CNTNAP2: variants seen among roughly 807,000 people sequenced by gnomAD.
CNTNAP2 encodes contactin associated protein 2, also known as contactin-associated protein-like 2.
In CNTNAP2, 98 loss-of-function variants were observed where a neutral mutation model predicts 155.2. That is an observed-to-expected ratio of 0.63 (90% CI 0.54 to 0.75). The LOEUF is 0.75. Ranked by LOEUF, CNTNAP2 falls within the 30% of genes least tolerant of loss-of-function variation. The pLI, the probability that CNTNAP2 is intolerant of heterozygous loss-of-function variation, is 0.00. For synonymous variants in CNTNAP2, 651 were observed against 631.2 expected (o/e 1.03, Z -0.47); for missense variants, 1,727 against 1,688.1 (o/e 1.02, Z -0.40).
chr7:148,123,357 G>T (rs1337354742), intron 16 of CNTNAP2, among the ~76,000 whole-genome samples: 2 of 152,148 alleles, frequency 1.3e-5, no homozygotes, highest in African/African-American at 4.8e-5. Context: ...GGAGGCTGAA[G>T]GGGGAGTATC....
At chr7:146,635,901 G>C (rs1210564293) in intron 1 of CNTNAP2, among the ~76,000 whole-genome samples, 1 of 152,078 alleles carries the variant, frequency 6.6e-6, no homozygotes, top group Non-Finnish European at 1.5e-5. Context: ...TCTCTAGCCA[G>C]GAGTCAATAA....
chr7:146,865,348 A>G (rs1365747093), intron 3 of CNTNAP2, among the ~76,000 whole-genome samples: 1 of 152,104 alleles, frequency 6.6e-6, no homozygotes, highest in Admixed American at 6.6e-5. Flanking sequence ...AAAAGGCCTA[A>G]AATAATCCAA....
chr7:146,930,169 T>C (rs1485870084), intron 3 of CNTNAP2, among the ~76,000 whole-genome samples: 3 of 151,912 alleles, frequency 2.0e-5, no homozygotes, highest in East Asian at 1.9e-4. Flanking sequence ...AAGGAAAAAA[T>C]GTTAAGGGCA....
intron 21 of CNTNAP2, among the ~76,000 whole-genome samples, chr7:148,365,756 A>G (rs558303313): frequency 2.1e-5 from 2 of 96,830 alleles, no homozygotes; most frequent in African/African-American, 8.7e-5. Context: ...GTATACATGT[A>G]TGTGTATACG....
chr7:146,975,288 A>T (rs184197214), intron 3 of CNTNAP2, among the ~76,000 whole-genome samples: 2 of 152,160 alleles, frequency 1.3e-5, no homozygotes, highest in Non-Finnish European at 2.9e-5. Flanking sequence ...AACATGGCAA[A>T]ACCCCGTCTC....
rs1476905483 is a variant in CNTNAP2, at chr7:146,907,453, C to T, written c.402+67549C>T. The stretch of plus-strand genomic sequence containing the variant: ...CCCATCAGACTAACAGCGGATCTCT[C>T]GGCAGAAACCCTACAAGCCAGAAGA... On this transcript the variant is annotated intron_variant, in intron 3 of 23. Coordinates refer to ENST00000361727, the MANE Select transcript of CNTNAP2 (RefSeq NM_014141.6). Among the ~76,000 whole-genome samples the T allele has an allele frequency of 3.1e-3, 447 of 142,706 alleles. 6 individuals carry two copies. Among genetic ancestry groups the T allele is most frequent in the South Asian group, 8.3e-3 (34 of 4,084 alleles). The allele number at this position is 142,706 out of a possible 152,430, so 93.6% of individuals were successfully genotyped here.
chr7:146,575,600 A>ACAGG (rs1178662292), intron 1 of CNTNAP2, among the ~76,000 whole-genome samples: 1 of 152,216 alleles, frequency 6.6e-6, no homozygotes, highest in Admixed American at 6.5e-5. Context: ...AGCAAGTGAA[A>ACAGG]CAGGAGTGGT....
intron 21 of CNTNAP2, among the ~76,000 whole-genome samples, chr7:148,302,296 T>A (rs1373401871): frequency 6.6e-6 from 1 of 152,172 alleles, no homozygotes; most frequent in Admixed American, 6.5e-5. Context: ...TTGCAAAAGT[T>A]TAGATGTACA....
intron 3 of CNTNAP2, among the ~76,000 whole-genome samples, chr7:146,930,110 G>A (rs1371607382): frequency 6.6e-6 from 1 of 152,022 alleles, no homozygotes; most frequent in Admixed American, 6.6e-5. Context: ...TACTCCTCGA[G>A]AAGAGCAACT....
intron 1 of CNTNAP2, among the ~76,000 whole-genome samples, chr7:146,463,329 C>A (rs1418164281): frequency 4.6e-5 from 7 of 151,932 alleles, no homozygotes; most frequent in African/African-American, 1.2e-4. Flanking sequence ...TTTTTGAATT[C>A]TTCTGTCTCT....
At chr7:148,033,500 G>A (rs1296658351) in intron 15 of CNTNAP2, among the ~76,000 whole-genome samples, 2 of 152,048 alleles carry the variant, frequency 1.3e-5, no homozygotes, top group Non-Finnish European at 2.9e-5. Context: ...AGGCCCTTGT[G>A]TGTGTTATTC....
In CNTNAP2 at chr7:146,148,699, A is replaced by C. The variant is rs531750235; in HGVS notation, c.97+31726A>C. Among the ~76,000 whole-genome samples the C allele has an allele frequency of 2.0e-5, 3 of 152,182 alleles. No individual in the cohort carries two copies. In the South Asian group the frequency reaches 6.2e-4, roughly 32 times the overall value. ...AATGATGAACGTGGATAATTATTAT[A>C]TTACAAAGGCTATAATCACAAAATA... is the stretch of plus-strand genomic sequence containing the variant. On this transcript the variant is annotated intron_variant, in intron 1 of 23. Transcript: ENST00000361727.
intron 12 of CNTNAP2, among the ~76,000 whole-genome samples, chr7:147,577,657 T>A (rs539344820): frequency 6.6e-6 from 1 of 152,072 alleles, no homozygotes; most frequent in South Asian, 2.1e-4. Context: ...TGCTTCAATA[T>A]CTGTTTCATA....
At chr7:147,219,942 A>ATTTTTTTTTTTTT (rs34947567) in intron 8 of CNTNAP2, among the ~76,000 whole-genome samples, 1 of 123,018 alleles carries the variant, frequency 8.1e-6, no homozygotes, top group Non-Finnish European at 1.7e-5. Context: ...CGCCCAGCTA[A>ATTTTTTTTTTTTT]TTTTTTTTTT....
intron 9 of CNTNAP2, among the ~76,000 whole-genome samples, chr7:147,305,096 C>G (rs551089832): frequency 6.6e-6 from 1 of 152,206 alleles, no homozygotes; most frequent in South Asian, 2.1e-4. Context: ...TAATACCACC[C>G]ACAGGGGCTC....
intron 1 of CNTNAP2, among the ~76,000 whole-genome samples, chr7:146,128,187 T>C (rs2116730794): frequency 6.6e-6 from 1 of 152,344 alleles, no homozygotes; most frequent in South Asian, 2.1e-4. Context: ...TCCCTTAGGC[T>C]GATAGGTATT....
chr7:148,379,296 C>T (rs1798999104), intron 21 of CNTNAP2, among the ~76,000 whole-genome samples: 1 of 151,946 alleles, frequency 6.6e-6, no homozygotes, highest in African/African-American at 2.4e-5. Context: ...AGATATAAAA[C>T]CTAACAAAAA....
chr7:147,637,528 C>CGT (rs1563033200), intron 12 of CNTNAP2, among the ~76,000 whole-genome samples: 2 of 152,078 alleles, frequency 1.3e-5, no homozygotes, highest in African/African-American at 2.4e-5. Context: ...CTCTCTCTTG[C>CGT]GCTCTGTCTC....
chr7:147,862,919 T>C (rs1191282276), intron 13 of CNTNAP2, among the ~76,000 whole-genome samples: 2 of 151,992 alleles, frequency 1.3e-5, no homozygotes, highest in Non-Finnish European at 2.9e-5. Flanking sequence ...AAAGTATCTT[T>C]CCATTTCTTT....
Sources: allele counts gnomAD v4.1 joint callset (sites outside exome capture counted in the v4.1 genomes callset), GRCh38; gene constraint gnomAD v4.1.1; transcripts MANE v1.5; gene names NCBI Gene and HGNC (gene_info 2026-07-23, HGNC 2026-07-21).